SPNS3: variants seen among roughly 807,000 people sequenced by gnomAD.
The protein encoded by SPNS3 is SPNS lysolipid transporter 3, sphingosine-1-phosphate (putative), also known as protein spinster homolog 3.
A neutral mutation model predicts 54.4 loss-of-function variants in SPNS3; 51 were observed. The observed-to-expected ratio is 0.94, with a 90% confidence interval of 0.75 to 1.18. The LOEUF (loss-of-function observed/expected upper bound fraction) is 1.18. Ranked by LOEUF, SPNS3 falls within the 50% of genes most tolerant of loss-of-function variation. The probability of loss-of-function intolerance (pLI) is 0.00; values close to 1 mark genes in which losing one functional copy is unlikely to be tolerated. For synonymous variants in SPNS3, 309 were observed against 294.7 expected (o/e 1.05, Z -0.50); for missense variants, 669 against 677.4 (o/e 0.99, Z 0.14).
intron 8 of SPNS3, among the ~76,000 whole-genome samples, chr17:4,472,721 C>T (rs970529012): frequency 6.8e-6 from 1 of 146,054 alleles, no homozygotes; most frequent in Non-Finnish European, 1.5e-5. Context: ...GAGGGGAAGC[C>T]GAGAAGGGTA....
At chr17:4,473,255 G>T (rs1971905387) in intron 8 of SPNS3, among the ~76,000 whole-genome samples, 1 of 152,078 alleles carries the variant, frequency 6.6e-6, no homozygotes, top group Admixed American at 6.6e-5. Flanking sequence ...CTTGAAGGCT[G>T]CTCCTTGCCC....
intron 8 of SPNS3, among the ~76,000 whole-genome samples, chr17:4,458,106 G>T (rs1323287651): frequency 6.6e-6 from 1 of 151,476 alleles, no homozygotes; most frequent in Non-Finnish European, 1.5e-5. Flanking sequence ...ACAACTGTCA[G>T]TCACAAAGCC....
chr17:4,478,715 C>T (rs1972079226), intron 9 of SPNS3, 78 bp downstream of exon 9: 1 of 1,447,854 alleles, frequency 6.9e-7, no homozygotes, highest in South Asian at 1.2e-5. Context: ...AGCAGCTGGG[C>T]ACTGGCGGCG....
intron 9 of SPNS3, among the ~76,000 whole-genome samples, chr17:4,480,243 T>G (rs1166662855): frequency 1.3e-5 from 2 of 152,220 alleles, no homozygotes; most frequent in East Asian, 3.9e-4. Flanking sequence ...GACAGGAGAC[T>G]TGGGCTCCAG....
chr17:4,455,787 C>T (rs1249359069), intron 8 of SPNS3, among the ~76,000 whole-genome samples: 1 of 152,178 alleles, frequency 6.6e-6, no homozygotes, highest in African/African-American at 2.4e-5. Context: ...AGATGACATG[C>T]ATCTGAGTGT....
Position 4,465,974 on chromosome 17 carries a change from C to T in SPNS3, c.1114-12598C>T, listed in dbSNP as rs1395474280. Among the ~76,000 whole-genome samples, 5 of 152,222 alleles carry T rather than the reference C, an allele frequency of 3.3e-5. No individual in the cohort carries two copies. The South Asian group carries it at 8.3e-4, about 25-fold the overall frequency. On this transcript the variant is annotated intron_variant, in intron 8 of 11. Transcript: ENST00000355530. ...GTTCCACGCTGCTCTTTTGGTCTCACGGTGAGAAACCCGGACTCGAGTGCT... is the reference window on the plus strand; with the variant it reads ...GTTCCACGCTGCTCTTTTGGTCTCATGGTGAGAAACCCGGACTCGAGTGCT...
At chr17:4,473,391 G>T (rs971343138) in intron 8 of SPNS3, among the ~76,000 whole-genome samples, 1 of 136,740 alleles carries the variant, frequency 7.3e-6, no homozygotes, top group East Asian at 3.3e-4. Flanking sequence ...GCTCTTCCCA[G>T]TCTTTTTTTT....
intron 2 of SPNS3, among the ~76,000 whole-genome samples, chr17:4,441,311 C>A (rs746184469): frequency 6.6e-6 from 1 of 152,106 alleles, no homozygotes; most frequent in Non-Finnish European, 1.5e-5. Flanking sequence ...TAGCTTGAGC[C>A]CAGGAGTTCG....
chr17:4,442,832 C>T (rs1279874168), intron 2 of SPNS3, among the ~76,000 whole-genome samples: 1 of 152,086 alleles, frequency 6.6e-6, no homozygotes, highest in Non-Finnish European at 1.5e-5. Context: ...GATTTGAATC[C>T]AGGAAGTGTG....
rs11656521 is a variant in SPNS3, at chr17:4,438,504, C to T, written c.200-1154C>T. Among the ~76,000 whole-genome samples, 29 of 152,100 alleles carry T rather than the reference C, an allele frequency of 1.9e-4. 1 individual carries two copies. The East Asian group carries it at 5.2e-3, about 27-fold the overall frequency. On this transcript the variant is annotated intron_variant, in intron 1 of 11. Coordinates refer to ENST00000355530, the MANE Select transcript of SPNS3 (RefSeq NM_182538.5). ...TCACGTGAGCAGGTGCTGCAGACCCCGACCCTTTCTAGGACACCAAGAGGC... is the reference window on the plus strand; with the variant it reads ...TCACGTGAGCAGGTGCTGCAGACCCTGACCCTTTCTAGGACACCAAGAGGC...
intron 8 of SPNS3, among the ~76,000 whole-genome samples, chr17:4,454,324 G>A (rs900955938): frequency 2.6e-5 from 4 of 152,228 alleles, no homozygotes; most frequent in Non-Finnish European, 5.9e-5. Flanking sequence ...GGAAGATGAC[G>A]CCAGCCCAGC....
At chr17:4,440,033 T>C (rs1211431401) in intron 2 of SPNS3, among the ~76,000 whole-genome samples, 1 of 152,126 alleles carries the variant, frequency 6.6e-6, no homozygotes, top group Admixed American at 6.6e-5. Context: ...GGCTCAGCGG[T>C]GCACCAGAGG....
chr17:4,449,444 A>G (rs2144044851), intron 7 of SPNS3, 57 bp downstream of exon 7: 1 of 1,515,440 alleles, frequency 6.6e-7, no homozygotes, highest in East Asian at 2.3e-5. Context: ...CTTGCTGAGG[A>G]AGTTCTGAGG....
At chr17:4,453,985 A>G (rs549862773) in intron 8 of SPNS3, among the ~76,000 whole-genome samples, 1 of 152,224 alleles carries the variant, frequency 6.6e-6, no homozygotes, top group South Asian at 2.1e-4. Flanking sequence ...CACTTCCCAG[A>G]CTTTGCACGC....
At chr17:4,478,463 T>C (rs868276951) in intron 8 of SPNS3, 109 bp from the exon 9 acceptor site, 1 of 954,774 alleles carries the variant, frequency 1.0e-6, no homozygotes, top group Middle Eastern at 2.1e-4. Flanking sequence ...GTCTCAATAA[T>C]GCCTTTCTCT....
At chr17:4,434,330 G>A (rs1212926652) in intron 1 of SPNS3, among the ~76,000 whole-genome samples, 164 bp downstream of exon 1, 2 of 152,124 alleles carry the variant, frequency 1.3e-5, no homozygotes, top group African/African-American at 4.8e-5. Flanking sequence ...TCGAATCGGG[G>A]AGGACCAACT....
chr17:4,464,219 C>A (rs147349198), intron 8 of SPNS3, among the ~76,000 whole-genome samples: 1 of 152,348 alleles, frequency 6.6e-6, no homozygotes, highest in East Asian at 1.9e-4. Flanking sequence ...CTTTCCAGTC[C>A]TCTTGGCAAG....
chr17:4,434,085 C>A lies in SPNS3; in HGVS notation c.118C>A (p.Pro40Thr). 1.2e-6 allele frequency: 2 copies of A among 1,612,034 alleles called. No homozygotes were observed. The highest frequency in any genetic ancestry group is 1.3e-5 in the African/African-American group (1 of 74,954). ...PPITPTSWSL[P>T]PWRAYVAAAV... ...CATCACGCCCACCTCCTGGAGCCTGCCCCCGTGGAGGGCCTACGTGGCTGC... is the reference window on the plus strand; with the variant it reads ...CATCACGCCCACCTCCTGGAGCCTGACCCCGTGGAGGGCCTACGTGGCTGC... The change falls in exon 1 of 12, where the codon CCC becomes ACC. Residue 40 changes from proline (P) to threonine (T), a missense_variant. Pro to Thr is a conservative substitution (Grantham distance 38). Transcript: ENST00000355530.
chr17:4,452,178 C>A (rs73340471), intron 7 of SPNS3, among the ~76,000 whole-genome samples: 112 of 152,122 alleles, frequency 7.4e-4, no homozygotes, highest in African/African-American at 2.6e-3. Context: ...CTCACTGTGG[C>A]CTCGAACTTC....
Sources: gnomAD v4.1 joint callset for allele counts (sites outside exome capture counted in the v4.1 genomes callset) on GRCh38, gnomAD v4.1.1 for gene constraint, MANE v1.5 for transcripts, NCBI Gene and HGNC (gene_info 2026-07-23, HGNC 2026-07-21) for gene names.